Variants in UST observed in about 807,000 individuals in gnomAD.
UST encodes the protein uronyl 2-sulfotransferase, also known as chondroitin sulfate 2-O-sulfotransferase.
Under a neutral mutation model 45.6 loss-of-function variants are expected in UST, and 21 were observed. The observed-to-expected ratio is 0.46, with a 90% CI of 0.33 to 0.66. The LOEUF is 0.66. UST is among the 30% of genes least tolerant of loss of function. UST has a pLI of 0.02. For missense variants in UST, 463 were observed against 512.4 expected, an observed-to-expected ratio of 0.90 and a Z score of 0.93; for synonymous variants, 215 against 200.6, an observed-to-expected ratio of 1.07 and a Z score of -0.61.
intron 7 of UST, among the ~76,000 whole-genome samples, chr6:149,065,245 C>T (rs1259240243): frequency 6.6e-6 from 1 of 152,120 alleles, no homozygotes; most frequent in African/African-American, 2.4e-5. Context: ...AAAAAAAATC[C>T]TAACAACTTC....
chr6:149,039,165 T>C (rs900537350), intron 7 of UST, among the ~76,000 whole-genome samples: 1 of 152,194 alleles, frequency 6.6e-6, no homozygotes, highest in Non-Finnish European at 1.5e-5. Context: ...GAGAGCCACA[T>C]GTATTAGGGA....
chr6:148,916,531 C>T (rs1205274400), intron 2 of UST, among the ~76,000 whole-genome samples: 3 of 152,168 alleles, frequency 2.0e-5, no homozygotes, highest in Non-Finnish European at 4.4e-5. Context: ...CCCTCTTTAG[C>T]GCCTCACTCA....
intron 7 of UST, among the ~76,000 whole-genome samples, chr6:149,049,929 T>A (rs62426151): frequency 0.35 from 45,395 of 128,100 alleles, 7,565 homozygotes; most frequent in Middle Eastern, 0.4. Flanking sequence ...TCTCTCTCTC[T>A]CTCACACACA....
chr6:148,993,956 C>CTTTTTTTTTTTTTTTTTTTTT (rs57552256), intron 5 of UST, among the ~76,000 whole-genome samples: 4 of 95,366 alleles, frequency 4.2e-5, no homozygotes, highest in Non-Finnish European at 5.6e-5. Context: ...TATTTCTTTC[C>CTTTTTTTTTTTTTTTTTTTTT]TTTTTTTTTT....
intron 5 of UST, among the ~76,000 whole-genome samples, chr6:148,999,452 A>G (rs1176801414): frequency 6.6e-6 from 1 of 152,278 alleles, no homozygotes; most frequent in Non-Finnish European, 1.5e-5. Context: ...AACAAAGATT[A>G]TAACTTTTTA....
At chr6:148,747,717 G>T in intron 1 of UST, 40 bp downstream of exon 1, 2 of 1,531,864 alleles carry the variant, frequency 1.3e-6, no homozygotes, top group South Asian at 1.2e-5. Flanking sequence ...CGCCGACAGC[G>T]CAAAGTTGTG....
chr6:149,027,462 C>G (rs997110036), intron 7 of UST, among the ~76,000 whole-genome samples: 11 of 152,138 alleles, frequency 7.2e-5, no homozygotes, highest in African/African-American at 2.4e-4. Context: ...TATTCTAATA[C>G]CAGTGTATCA....
At chr6:148,764,524 C>T (rs1358380366) in intron 1 of UST, among the ~76,000 whole-genome samples, 7 of 152,110 alleles carry the variant, frequency 4.6e-5, no homozygotes, top group Non-Finnish European at 7.4e-5. Flanking sequence ...GATAATTCAA[C>T]GTGGGTTCTT....
rs117823939 is a variant in UST at position 149,030,572 on chromosome 6, G to T, written c.937+9091G>T. 2.2e-4 allele frequency among the ~76,000 whole-genome samples: 33 copies of T among 152,160 alleles called. 1 individual carries two copies. In the East Asian group the frequency reaches 6.2e-3, roughly 29 times the overall value. On this transcript the variant is annotated intron_variant, in intron 7 of 7. Transcript: ENST00000367463. The stretch of plus-strand genomic sequence containing the variant: ...CATGAGTTTAGGAATCATCATAGAT[G>T]ATTGTTTTTAAAAACTCAATTATCA...
chr6:148,989,216 C>CCG (rs1781301335), intron 5 of UST, among the ~76,000 whole-genome samples: 1 of 85,116 alleles, frequency 1.2e-5, no homozygotes, highest in South Asian at 7.5e-4. Flanking sequence ...AAGGCCCCCC[C>CCG]CCACCCCCCG....
intron 1 of UST, among the ~76,000 whole-genome samples, chr6:148,763,791 T>C (rs1026789171): frequency 1.3e-5 from 2 of 152,192 alleles, no homozygotes; most frequent in East Asian, 1.9e-4. Context: ...ACTTTGTTTA[T>C]GATCAGTTGG....
chr6:148,999,615 T>C (rs1781510947), intron 5 of UST, among the ~76,000 whole-genome samples: 1 of 139,282 alleles, frequency 7.2e-6, no homozygotes, highest in Non-Finnish European at 1.7e-5. Flanking sequence ...TGCTGTTTGA[T>C]GTCTGACTTA....
At chr6:149,027,544 C>T (rs957959804) in intron 7 of UST, among the ~76,000 whole-genome samples, 8 of 152,174 alleles carry the variant, frequency 5.3e-5, no homozygotes, top group Admixed American at 2.6e-4. Context: ...TTTACCCCCT[C>T]AAAAATATTC....
intron 5 of UST, among the ~76,000 whole-genome samples, chr6:148,968,664 C>G (rs1415121541): frequency 6.6e-6 from 1 of 152,236 alleles, no homozygotes; most frequent in African/African-American, 2.4e-5. Flanking sequence ...CTGTTGTCAT[C>G]TCCAGATGAG....
At chr6:148,992,937 G>A in intron 5 of UST, 1 of 947,020 alleles carries the variant, frequency 1.1e-6, no homozygotes, top group Non-Finnish European at 1.3e-6. Context: ...AAAATACTTA[G>A]GATTACAAAG....
In UST at chr6:148,748,474, C is replaced by T. The variant is rs1775923854; in HGVS notation, c.247+797C>T. Among the ~76,000 whole-genome samples, 1 of 147,316 alleles carries T rather than the reference C, an allele frequency of 6.8e-6. No individual in the cohort carries two copies. Among genetic ancestry groups the T allele is most frequent in the Admixed American group, 6.8e-5 (1 of 14,692 alleles). On this transcript the variant is annotated intron_variant, in intron 1 of 7. Transcript: ENST00000367463. The surrounding 1 kb of genome is among the most constrained non-coding windows in gnomAD (Gnocchi z 5.3). ...GTGTGGTTTATTAGGAGAGAGGCCG[C>T]CTGTCTTTAGCAGAAGTAAGGAAGG...
Position 149,056,117 on chromosome 6 carries a change from C to CTTTTTT in UST, c.938-17695_938-17690dup, listed in dbSNP as rs34191810. Among the ~76,000 whole-genome samples, 175 of 81,074 alleles carry CTTTTTT rather than the reference C, an allele frequency of 2.2e-3. 2 individuals carry two copies. Among genetic ancestry groups the CTTTTTT allele is most frequent in the African/African-American group, 4.9e-3 (95 of 19,530 alleles). 53.2% of individuals were successfully genotyped at this position (81,074 alleles called of 152,430 possible). A position where few individuals can be genotyped will look rare whatever the true frequency, so the allele number is the denominator to read the frequency against. ...TGTTACTCTGCTTTTCTTTTCTTTTCTTTTTTTTTTTTTTTTTTTTTTTTT... is the reference window on the plus strand; with the variant it reads ...TGTTACTCTGCTTTTCTTTTCTTTTCTTTTTTTTTTTTTTTTTTTTTTTTTTTTTTT... On this transcript the variant is annotated intron_variant, in intron 7 of 7. Coordinates refer to ENST00000367463, the MANE Select transcript of UST (RefSeq NM_005715.3).
intron 1 of UST, among the ~76,000 whole-genome samples, chr6:148,811,082 TAACA>T (rs1777249153): frequency 6.6e-6 from 1 of 152,244 alleles, no homozygotes; most frequent in African/African-American, 2.4e-5. Context: ...TAATGCTGTG[TAACA>T]AACAACCACC....
intron 5 of UST, among the ~76,000 whole-genome samples, chr6:149,009,570 CACACACACACACATAG>C (rs1308413893): frequency 1.4e-5 from 2 of 141,698 alleles, no homozygotes; most frequent in East Asian, 4.3e-4. Context: ...AACACACACA[CACACACACACACATAG>C]ACAGACACAC....
Sources: allele counts gnomAD v4.1 joint callset (sites outside exome capture counted in the v4.1 genomes callset), GRCh38; gene constraint gnomAD v4.1.1; non-coding constraint Gnocchi (gnomAD v3.1); transcripts MANE v1.5; gene names NCBI Gene and HGNC (gene_info 2026-07-23, HGNC 2026-07-21).